The following TMPRSS4 variants were observed in gnomAD, a reference collection of about 807,000 sequenced individuals.
The protein encoded by TMPRSS4 is transmembrane serine protease 4, also known as transmembrane protease serine 4.
Under a neutral mutation model 56.4 loss-of-function variants are expected in TMPRSS4, and 45 were observed. That is an observed-to-expected ratio of 0.80 (90% CI 0.63 to 1.02). TMPRSS4 has a LOEUF of 1.02. Ranked by LOEUF, TMPRSS4 falls within the 50% of genes least tolerant of loss-of-function variation. The pLI, the probability that TMPRSS4 is intolerant of heterozygous loss-of-function variation, is 0.00. For synonymous variants in TMPRSS4, 205 were observed against 211.0 expected (o/e 0.97, Z 0.25); for missense variants, 546 against 556.7 (o/e 0.98, Z 0.19).
At chr11:118,122,881 CT>C (rs1263927994), downstream of TMPRSS4, among the ~76,000 whole-genome samples, 2 of 152,100 alleles carry the variant, frequency 1.3e-5, no homozygotes, top group Non-Finnish European at 2.9e-5. Context: ...GGAGAGCTCC[CT>C]GTTCATGAAT....
rs1944719729 is a variant in TMPRSS4, at chr11:118,077,132, G to A, written c.-171G>A. ...GCTTGCTCAGCGGACAAGGATGCTG[G>A]GCGTGAGGGACCAAGGCCTGCCCTG... On this transcript the variant is annotated 5_prime_UTR_variant, in exon 1 of 13. Coordinates refer to ENST00000437212, the MANE Select transcript of TMPRSS4 (RefSeq NM_019894.4). The A allele has an allele frequency of 3.1e-6, 2 of 645,054 alleles. No homozygotes were observed. Among genetic ancestry groups the A allele is most frequent in the South Asian group, 2.1e-5 (1 of 47,088 alleles). The allele number at this position is 645,054 out of a possible 1,614,324, so 40.0% of individuals were successfully genotyped here. A position where few individuals can be genotyped will look rare whatever the true frequency, so the allele number is the denominator to read the frequency against.
chr11:118,100,911 G>A (rs1402589916), intron 3 of TMPRSS4, among the ~76,000 whole-genome samples: 1 of 152,150 alleles, frequency 6.6e-6, no homozygotes, highest in Non-Finnish European at 1.5e-5. Flanking sequence ...CCTCCATCCT[G>A]GGCCGGGTTC....
intron 2 of TMPRSS4, among the ~76,000 whole-genome samples, chr11:118,096,236 C>T (rs905799400): frequency 1.3e-5 from 2 of 152,248 alleles, no homozygotes; most frequent in Non-Finnish European, 2.9e-5. Flanking sequence ...TGTGCCAGGT[C>T]ATAGTTCACA....
intron 9 of TMPRSS4, among the ~76,000 whole-genome samples, chr11:118,114,277 T>C (rs1000144979): frequency 2.0e-5 from 3 of 152,138 alleles, no homozygotes; most frequent in African/African-American, 7.2e-5. Context: ...TAATCAGGTA[T>C]GGCAAGGTGA....
chr11:118,102,804 A>G lies in TMPRSS4; in HGVS notation c.158-297A>G, dbSNP rs1047217880. On this transcript the variant is annotated intron_variant, in intron 3 of 12. Transcript: ENST00000437212. Reference sequence around the variant, plus strand: ...CGGGTTCCTCCTCTTTTACCAGTACATACTGAGCGAGCACTGGAGGGTAAG... The same window carrying G: ...CGGGTTCCTCCTCTTTTACCAGTACGTACTGAGCGAGCACTGGAGGGTAAG... 4.0e-5 allele frequency: 14 copies of G among 351,534 alleles called. No individual in the cohort carries two copies. In the Admixed American group the frequency reaches 5.1e-4, roughly 13 times the overall value. 21.8% of individuals were successfully genotyped at this position (351,534 alleles called of 1,614,324 possible). A position where few individuals can be genotyped will look rare whatever the true frequency, so the allele number is the denominator to read the frequency against.
At chr11:118,107,239 A>G (rs1947039877) in intron 5 of TMPRSS4, 1 of 152,210 alleles carries the variant, frequency 6.6e-6, no homozygotes, top group Non-Finnish European at 1.5e-5. Flanking sequence ...GTTTGTCTGG[A>G]TTCATATGAA....
rs551926084 is a variant in TMPRSS4 at position 118,115,433 on chromosome 11, G to A, written c.1152+153G>A. 7 of 942,658 alleles carry A rather than the reference G, an allele frequency of 7.4e-6. No homozygotes were observed. The South Asian group carries it at 1.2e-4, about 16-fold the overall frequency. 58.4% of individuals were successfully genotyped at this position (942,658 alleles called of 1,614,324 possible). On this transcript the variant is annotated intron_variant, in intron 11 of 12. Transcript: ENST00000437212. ...GGAGGAAGAGAGGGAGGGAAGGAAA[G>A]GATAGTCAGATAAAAGTGTACCAAT...
intron 2 of TMPRSS4, among the ~76,000 whole-genome samples, chr11:118,095,711 G>A (rs1471249863): frequency 1.3e-5 from 2 of 152,160 alleles, no homozygotes; most frequent in African/African-American, 4.8e-5. Context: ...AACTGGGGTT[G>A]GTGAAGACTA....
rs772615104 is a variant in TMPRSS4 at position 118,103,264 on chromosome 11, G to A, written c.310+11G>A. The A allele has an allele frequency of 7.3e-5, 118 of 1,608,750 alleles. No individual in the cohort carries two copies. The highest frequency in any genetic ancestry group is 9.7e-5 in the Non-Finnish European group (114 of 1,177,044). ...GGCCTGCAGTGGCAGGTGAGTGCAG[G>A]GTCTGAGGCACAAGAGAAGTGGGCC... On this transcript the variant is annotated intron_variant, in intron 4 of 12. Coordinates refer to ENST00000437212, the MANE Select transcript of TMPRSS4 (RefSeq NM_019894.4).
At chr11:118,099,162 C>T in intron 3 of TMPRSS4, 64 bp downstream of exon 3, 2 of 1,344,646 alleles carry the variant, frequency 1.5e-6, no homozygotes, top group Non-Finnish European at 1.1e-6. Context: ...ACCCCCACCC[C>T]CGCACTCACC....
intron 9 of TMPRSS4, among the ~76,000 whole-genome samples, chr11:118,114,254 C>T (rs901577238): frequency 3.3e-5 from 5 of 152,162 alleles, no homozygotes; most frequent in Admixed American, 3.3e-4. Flanking sequence ...AGATTTGTGC[C>T]TGGGAATTGT....
chr11:118,080,079 G>A (rs1009306039), intron 1 of TMPRSS4, among the ~76,000 whole-genome samples: 2 of 152,196 alleles, frequency 1.3e-5, no homozygotes, highest in Admixed American at 6.5e-5. Context: ...TCTAAATGGG[G>A]CTGGGGATTG....
chr11:118,118,111 C>G lies in TMPRSS4; in HGVS notation c.*198C>G. On this transcript the variant is annotated 3_prime_UTR_variant, in exon 13 of 13. Coordinates refer to ENST00000437212, the MANE Select transcript of TMPRSS4 (RefSeq NM_019894.4). Reference sequence around the variant, plus strand: ...CCCAGAGGCGCCCAGAGGAAGTCAGCAGCCCTAGCTCGGCCACACTTGGTG... The same window carrying G: ...CCCAGAGGCGCCCAGAGGAAGTCAGGAGCCCTAGCTCGGCCACACTTGGTG... 1 of 1,436,738 alleles carries G rather than the reference C, an allele frequency of 7.0e-7. No individual in the cohort carries two copies. Among genetic ancestry groups the G allele is most frequent in the Non-Finnish European group, 9.1e-7 (1 of 1,100,964 alleles). The allele number at this position is 1,436,738 out of a possible 1,614,324, so 89.0% of individuals were successfully genotyped here.
intron 3 of TMPRSS4, among the ~76,000 whole-genome samples, chr11:118,100,188 T>C (rs981217583): frequency 1.3e-5 from 2 of 152,146 alleles, no homozygotes; most frequent in Non-Finnish European, 2.9e-5. Context: ...CAGAGCGATA[T>C]CATGAGCACC....
chr11:118,123,662 A>G (rs1947838325), downstream of TMPRSS4, among the ~76,000 whole-genome samples: 1 of 152,056 alleles, frequency 6.6e-6, no homozygotes. Context: ...AGCTGGGACT[A>G]CAGGCGCCCG....
chr11:118,109,470 C>T (rs925212809), intron 7 of TMPRSS4, among the ~76,000 whole-genome samples: 4 of 152,192 alleles, frequency 2.6e-5, no homozygotes, highest in African/African-American at 9.7e-5. Flanking sequence ...AGTTGACATG[C>T]TGCAGAGAGA....
At chr11:118,108,470 A>G (rs1380989265) in intron 6 of TMPRSS4, 1 of 212,054 alleles carries the variant, frequency 4.7e-6, no homozygotes. Context: ...TGAAAAGGAC[A>G]GGGCTGGTAG....
chr11:118,123,818 C>T (rs1054918170), downstream of TMPRSS4, among the ~76,000 whole-genome samples: 33 of 152,040 alleles, frequency 2.2e-4, no homozygotes, highest in African/African-American at 7.7e-4. Context: ...GCCACCGTGC[C>T]CGGCCAATTA....
Position 118,081,675 on chromosome 11 carries a change from C to T in TMPRSS4, c.3+4370C>T, listed in dbSNP as rs1380809502. Among the ~76,000 whole-genome samples the T allele has an allele frequency of 5.3e-5, 8 of 152,360 alleles. No individual in the cohort carries two copies. The East Asian group carries it at 1.4e-3, about 26-fold the overall frequency. Reference sequence around the variant, plus strand: ...CCTGCACATCAGTCTGGCTGGGCGTCGCCCGCTGGTGCGGTTGAGCCAACC... The same window carrying T: ...CCTGCACATCAGTCTGGCTGGGCGTTGCCCGCTGGTGCGGTTGAGCCAACC... On this transcript the variant is annotated intron_variant, in intron 1 of 12. Coordinates refer to ENST00000437212, the MANE Select transcript of TMPRSS4 (RefSeq NM_019894.4).
Sources: allele counts gnomAD v4.1 joint callset (sites outside exome capture counted in the v4.1 genomes callset), GRCh38; gene constraint gnomAD v4.1.1; transcripts MANE v1.5; gene names NCBI Gene and HGNC (gene_info 2026-07-23, HGNC 2026-07-21).